PRORP: variants seen among roughly 807,000 people sequenced by gnomAD.
PRORP encodes mitochondrial ribonuclease P catalytic subunit.
A neutral mutation model predicts 59.4 loss-of-function variants in PRORP; 51 were observed. The observed-to-expected ratio is 0.86, with a 90% confidence interval of 0.69 to 1.08. The LOEUF (loss-of-function observed/expected upper bound fraction) is 1.08. PRORP is among the 50% of genes least tolerant of loss of function. The pLI is 0.00. For missense variants in PRORP, 646 were observed against 690.3 expected (o/e 0.94, Z 0.72); for synonymous variants, 231 against 245.6 (o/e 0.94, Z 0.55).
intron 5 of PRORP, among the ~76,000 whole-genome samples, chr14:35,253,794 C>G (rs1157409874): frequency 6.6e-6 from 1 of 151,986 alleles, no homozygotes; most frequent in Non-Finnish European, 1.5e-5. Context: ...ACCACTGTCT[C>G]CTGGGTTTTC....
At chr14:35,154,060 C>G (rs1290179920) in intron 4 of PRORP, among the ~76,000 whole-genome samples, 2 of 152,152 alleles carry the variant, frequency 1.3e-5, no homozygotes, top group African/African-American at 4.8e-5. Flanking sequence ...GACAGTTGGA[C>G]CAGATGATCT....
chr14:35,273,357 A>C (rs1339531988), intron 7 of PRORP, 78 bp from the exon 8 acceptor site: 1 of 1,401,896 alleles, frequency 7.1e-7, no homozygotes, highest in African/African-American at 1.5e-5. Flanking sequence ...AGCAAACTTG[A>C]GAAGTGTCAG....
intron 5 of PRORP, chr14:35,262,766 C>G: frequency 8.9e-7 from 1 of 1,120,534 alleles, no homozygotes; most frequent in East Asian, 2.3e-5. Flanking sequence ...CCATCAATGT[C>G]GTTATCCAGG....
intron 5 of PRORP, among the ~76,000 whole-genome samples, chr14:35,208,725 G>T (rs556532806): frequency 1.3e-5 from 2 of 151,954 alleles, no homozygotes; most frequent in South Asian, 4.2e-4. Context: ...CAAAAATTAG[G>T]CCGGGCATGG....
chr14:35,228,678 G>C (rs955700256), intron 5 of PRORP, among the ~76,000 whole-genome samples: 9 of 152,226 alleles, frequency 5.9e-5, no homozygotes, highest in Admixed American at 3.3e-4. Flanking sequence ...TGGTGCATAT[G>C]TACCACATTT....
rs762557804 is a variant in PRORP, at chr14:35,201,631, TTTTA to T, written c.1275+20879_1275+20882del. Among the ~76,000 whole-genome samples, 47 of 151,584 alleles carry T rather than the reference TTTTA, an allele frequency of 3.1e-4. 1 individual carries two copies. Among genetic ancestry groups the T allele is most frequent in the South Asian group, 8.3e-4 (4 of 4,820 alleles). Reference sequence around the variant, plus strand: ...ACAAAATGCCTCATTGTATACAAAATTTTATTTATTTATTTATTTATTTATTTAG... The same window carrying T: ...ACAAAATGCCTCATTGTATACAAAATTTTATTTATTTATTTATTTATTTAG... On this transcript the variant is annotated intron_variant, in intron 5 of 7. Coordinates refer to ENST00000534898, the MANE Select transcript of PRORP (RefSeq NM_014672.4).
At chr14:35,128,968 T>C (rs12881955) in intron 4 of PRORP, among the ~76,000 whole-genome samples, 120,757 of 151,522 alleles carry the variant, frequency 0.8, 48,405 homozygotes, top group Non-Finnish European at 0.84. Flanking sequence ...AGACCAAGGC[T>C]GGTGGATCAC....
At chr14:35,163,065 T>G (rs1013220406) in intron 4 of PRORP, among the ~76,000 whole-genome samples, 5 of 152,262 alleles carry the variant, frequency 3.3e-5, no homozygotes, top group African/African-American at 1.2e-4. Flanking sequence ...TTAGAGCTAA[T>G]TTTTATAACT....
intron 5 of PRORP, among the ~76,000 whole-genome samples, chr14:35,210,049 C>A (rs2049398926): frequency 6.6e-6 from 1 of 152,138 alleles, no homozygotes; most frequent in South Asian, 2.1e-4. Context: ...AAATATTAAT[C>A]AGCACAGAAT....
Position 35,270,539 on chromosome 14 carries a change from G to A in PRORP, c.1563G>A (p.Gln521=). Reference sequence around the variant, plus strand: ...CCCAACGCCTGTTTTTTAAGTGGCAGCAGGGACATCAGCTGGCAATTGTAA... The same window carrying A: ...CCCAACGCCTGTTTTTTAAGTGGCAACAGGGACATCAGCTGGCAATTGTAA... ...AKTQRLFFKW[Q]QGHQLAIVNR... The change falls in exon 7 of 8, where the codon CAG becomes CAA. Residue 521 remains glutamine (Q), a synonymous_variant. Transcript: ENST00000534898. 6.2e-7 allele frequency: 1 copy of A among 1,614,196 alleles called. No homozygotes were observed. Among genetic ancestry groups the A allele is most frequent in the Non-Finnish European group, 8.5e-7 (1 of 1,180,042 alleles).
At chr14:35,237,905 C>T (rs937053357) in intron 5 of PRORP, among the ~76,000 whole-genome samples, 2 of 151,876 alleles carry the variant, frequency 1.3e-5, no homozygotes, top group African/African-American at 2.4e-5. Context: ...CCACCCACCT[C>T]GGCCTCCCAA....
At position 35,190,087 on chromosome 14, in the gene PRORP, G is replaced by A. The variant is rs568159995; in HGVS notation, c.1275+9310G>A. Among the ~76,000 whole-genome samples, 228 of 140,714 alleles carry A rather than the reference G, an allele frequency of 1.6e-3. 1 individual carries two copies. Among genetic ancestry groups the A allele is most frequent in the African/African-American group, 5.3e-3 (196 of 37,260 alleles). 92.3% of individuals were successfully genotyped at this position (140,714 alleles called of 152,430 possible). A position where few individuals can be genotyped will look rare whatever the true frequency, so the allele number is the denominator to read the frequency against. On this transcript the variant is annotated intron_variant, in intron 5 of 7. Transcript: ENST00000534898. Reference sequence around the variant, plus strand: ...TGCGCCACTGCACTCCAGCCTGGGTGACAGAGTGAGACTCCGTCTTAAAAA... The same window carrying A: ...TGCGCCACTGCACTCCAGCCTGGGTAACAGAGTGAGACTCCGTCTTAAAAA...
chr14:35,243,309 A>G (rs2050408109), intron 5 of PRORP, among the ~76,000 whole-genome samples: 1 of 152,162 alleles, frequency 6.6e-6, no homozygotes, highest in Non-Finnish European at 1.5e-5. Context: ...AGGCAGGCAG[A>G]TCTCTTGAGC....
At chr14:35,256,869 CT>C (rs71121272) in intron 5 of PRORP, among the ~76,000 whole-genome samples, 74,591 of 136,690 alleles carry the variant, frequency 0.55, 19,809 homozygotes, top group East Asian at 0.7. Flanking sequence ...TGATAAAATC[CT>C]TTTTTTTTTT....
At chr14:35,193,159 T>A (rs79026106) in intron 5 of PRORP, among the ~76,000 whole-genome samples, 1,906 of 152,282 alleles carry the variant, frequency 0.013, 35 homozygotes, top group African/African-American at 0.041. Context: ...TAATAGAAGA[T>A]GTATGGGGGG....
intron 5 of PRORP, among the ~76,000 whole-genome samples, chr14:35,230,019 G>A (rs954305095): frequency 6.6e-6 from 1 of 150,702 alleles, no homozygotes; most frequent in East Asian, 1.9e-4. Flanking sequence ...CAAGAAGCTC[G>A]AGTGCCAGCC....
rs943405729 is a variant in PRORP, at chr14:35,146,488, C to A, written c.1167+18877C>A. Among the ~76,000 whole-genome samples, 207 of 152,040 alleles carry A rather than the reference C, an allele frequency of 1.4e-3. 1 individual carries two copies. Among genetic ancestry groups the A allele is most frequent in the East Asian group, 2.3e-3 (12 of 5,182 alleles). On this transcript the variant is annotated intron_variant, in intron 4 of 7. Coordinates refer to ENST00000534898, the MANE Select transcript of PRORP (RefSeq NM_014672.4). ...TACAAACTGAAAGATGTGAACTGAG[C>A]TCTTTATCACAGTCTCCAGAACCTT...
In PRORP at chr14:35,262,565, G is replaced by A. The variant is rs1283504462; in HGVS notation, c.1276-4162G>A. The A allele has an allele frequency of 7.5e-5, 52 of 695,478 alleles. 1 individual carries two copies. In the East Asian group the frequency reaches 1.4e-3, roughly 18 times the overall value. The allele number at this position is 695,478 out of a possible 1,614,324, so 43.1% of individuals were successfully genotyped here. ...AAAGGCCCCAGAGGAACCCTGCAGA[G>A]GGATTTCAATCACATCAGTGTAGAT... On this transcript the variant is annotated intron_variant, in intron 5 of 7. Transcript: ENST00000534898.
At chr14:35,145,743 AG>A (rs145736062) in intron 4 of PRORP, among the ~76,000 whole-genome samples, 25,465 of 141,054 alleles carry the variant, frequency 0.18, 5,393 homozygotes, top group East Asian at 0.47. Context: ...GAAGGAAGGA[AG>A]GAAGGAAGGA....
Sources: gnomAD v4.1 joint callset for allele counts (sites outside exome capture counted in the v4.1 genomes callset) on GRCh38, gnomAD v4.1.1 for gene constraint, MANE v1.5 for transcripts, NCBI Gene and HGNC (gene_info 2026-07-23, HGNC 2026-07-21) for gene names.